The following SOD2 variants were observed in gnomAD, a reference collection of about 807,000 sequenced individuals.
The protein encoded by SOD2 is superoxide dismutase 2, also known as superoxide dismutase [Mn], mitochondrial.
A neutral mutation model predicts 27.0 loss-of-function variants in SOD2; 11 were observed. The ratio of observed to expected loss-of-function variants is 0.41; its 90% CI spans 0.26 to 0.67. The LOEUF (loss-of-function observed/expected upper bound fraction) is 0.67, where lower values mean the gene tolerates loss of function less well. Among genes scored for constraint, SOD2 ranks in the 30% least tolerant of loss-of-function variants. The pLI, the probability that SOD2 is intolerant of heterozygous loss-of-function variation, is 0.34. For synonymous variants in SOD2, 105 were observed against 103.0 expected (o/e 1.02, Z -0.12); for missense variants, 250 against 274.5 (o/e 0.91, Z 0.63).
In SOD2 at chr6:159,678,845, C is replaced by T. The variant is rs1779837134; in HGVS notation, c.*3648G>A. 6.6e-6 allele frequency: 1 copy of T among 152,206 alleles called. No individual in the cohort carries two copies. The allele number at this position is 152,206 out of a possible 1,614,324, so 9.4% of individuals were successfully genotyped here. A position where few individuals can be genotyped will look rare whatever the true frequency, so the allele number is the denominator to read the frequency against. ...CAGAATTGAATTATAGGACATCCAG[C>T]TGGTGTCCACTGGACAACCTGGTGT... is the stretch of plus-strand genomic sequence containing the variant. On this transcript the variant is annotated 3_prime_UTR_variant, in exon 5 of 5. Coordinates refer to ENST00000538183, the MANE Select transcript of SOD2 (RefSeq NM_000636.4).
At chr6:159,693,323 G>GCCCCCCCCCC (rs1265065197), upstream of SOD2, 1 of 348,378 alleles carries the variant, frequency 2.9e-6, no homozygotes, top group African/African-American at 2.7e-5. Context: ...GGGCACCGCC[G>GCCCCCCCCCC]CCCCGCCCCC....
At chr6:159,759,831 T>A (rs1010994451) in intron 1 of SOD2, among the ~76,000 whole-genome samples, 1 of 152,338 alleles carries the variant, frequency 6.6e-6, no homozygotes, top group Admixed American at 6.5e-5. Context: ...TTCTCAAGAT[T>A]GGCTCCTAAA....
At chr6:159,700,613 C>T (rs538217412) in intron 1 of SOD2, among the ~76,000 whole-genome samples, 1 of 146,078 alleles carries the variant, frequency 6.8e-6, no homozygotes, top group Non-Finnish European at 1.5e-5. Context: ...AAGATTGCGT[C>T]ACTGCACTCC....
chr6:159,693,155 C>A lies in SOD2; in HGVS notation c.13G>T (p.Ala5Ser). MLSR[A>S]VCGTSRQLAP... Reference sequence around the variant, plus strand: ...CCCCTTTCTTCTCACCCGCACACTGCCCGGCTCAACATGCTGCTAGTGCTG... The same window carrying A: ...CCCCTTTCTTCTCACCCGCACACTGACCGGCTCAACATGCTGCTAGTGCTG... The change falls in exon 1 of 5, where the codon GCA becomes TCA. Residue 5 changes from alanine to serine, a missense_variant. By Grantham distance (99) the Ala-to-Ser change is moderately conservative. Transcript: ENST00000538183. 6.5e-7 allele frequency: 1 copy of A among 1,533,688 alleles called. No homozygotes were observed. Among genetic ancestry groups the A allele is most frequent in the Middle Eastern group, 2.0e-4 (1 of 5,012 alleles).
chr6:159,712,085 T>A (rs1162292573), intron 1 of SOD2, among the ~76,000 whole-genome samples: 3 of 34,226 alleles, frequency 8.8e-5, no homozygotes, highest in Admixed American at 4.3e-4. Flanking sequence ...CAGACCTCCA[T>A]AACCACCTCC....
At chr6:159,723,898 A>G (rs1353933474) in intron 1 of SOD2, among the ~76,000 whole-genome samples, 1 of 152,144 alleles carries the variant, frequency 6.6e-6, no homozygotes, top group Non-Finnish European at 1.5e-5. Flanking sequence ...AGCTAGGACT[A>G]TAGGCACAGG....
Position 159,681,612 on chromosome 6 carries a change from A to C in SOD2, c.*881T>G, listed in dbSNP as rs1779965849. ...GCCCGCCCCCTGCCTACCCCACTTC[A>C]CCTTTCAGGCCAAACCAATATATAA... On this transcript the variant is annotated 3_prime_UTR_variant, in exon 5 of 5. Coordinates refer to ENST00000538183, the MANE Select transcript of SOD2 (RefSeq NM_000636.4). 6.6e-6 allele frequency: 1 copy of C among 151,872 alleles called. No individual in the cohort carries two copies. Among genetic ancestry groups the C allele is most frequent in the South Asian group, 2.1e-4 (1 of 4,806 alleles). 9.4% of individuals were successfully genotyped at this position (151,872 alleles called of 1,614,324 possible).
upstream of SOD2, chr6:159,693,378 G>A: frequency 5.3e-6 from 1 of 189,420 alleles, no homozygotes; most frequent in Non-Finnish European, 1.0e-5. Flanking sequence ...CCAACCCCGG[G>A]GGTGCCCTGC....
intron 1 of SOD2, among the ~76,000 whole-genome samples, chr6:159,734,944 A>G (rs1778813635): frequency 6.6e-6 from 1 of 152,166 alleles, no homozygotes; most frequent in African/African-American, 2.4e-5. Context: ...TTAATGAATA[A>G]TACCTGCTAT....
chr6:159,675,696 TTCA>T lies in SOD2; in HGVS notation c.*6794_*6796del, dbSNP rs1779765265. 6.6e-6 allele frequency: 1 copy of T among 152,146 alleles called. No homozygotes were observed. Among genetic ancestry groups the T allele is most frequent in the Admixed American group, 6.5e-5 (1 of 15,270 alleles). 9.4% of individuals were successfully genotyped at this position (152,146 alleles called of 1,614,324 possible). ...TCAGGACACAGGCATGGGCAAGGAC[TTCA>T]TGTCTAAAACACCAAAAGCAATGGC... is the stretch of plus-strand genomic sequence containing the variant. On this transcript the variant is annotated 3_prime_UTR_variant, in exon 5 of 5. Coordinates refer to ENST00000538183, the MANE Select transcript of SOD2 (RefSeq NM_000636.4).
chr6:159,746,851 C>CT (rs1779606589), upstream of SOD2, among the ~76,000 whole-genome samples: 3 of 152,192 alleles, frequency 2.0e-5, no homozygotes, highest in East Asian at 1.9e-4. Flanking sequence ...ATTCACCTCT[C>CT]TTTTCATGAA....
chr6:159,743,428 G>T (rs1779381730), intron 1 of SOD2, among the ~76,000 whole-genome samples: 1 of 152,218 alleles, frequency 6.6e-6, no homozygotes, highest in Non-Finnish European at 1.5e-5. Flanking sequence ...TCTGTCTTCT[G>T]TTGGGAGTAG....
Position 159,692,872 on chromosome 6 carries a change from G to T in SOD2, c.24-9C>A. Reference sequence around the variant, plus strand: ...CCAGCTGCCTGCTGGTGCTGAAGACGAGAAAGCACAGCCCGGTCAGTCAGC... The same window carrying T: ...CCAGCTGCCTGCTGGTGCTGAAGACTAGAAAGCACAGCCCGGTCAGTCAGC... On this transcript the variant is annotated splice_polypyrimidine_tract_variant and intron_variant, in intron 1 of 4. Coordinates refer to ENST00000538183, the MANE Select transcript of SOD2 (RefSeq NM_000636.4). The T allele has an allele frequency of 1.3e-6, 2 of 1,593,990 alleles. No homozygotes were observed. Among genetic ancestry groups the T allele is most frequent in the Non-Finnish European group, 8.5e-7 (1 of 1,171,618 alleles).
intron 4 of SOD2, 134 bp downstream of exon 4, chr6:159,684,720 G>T: frequency 3.5e-6 from 2 of 572,756 alleles, no homozygotes; most frequent in Non-Finnish European, 3.0e-6. Context: ...ACTTACACAA[G>T]ACTCTGGGTG....
upstream of SOD2, among the ~76,000 whole-genome samples, chr6:159,728,935 GTAA>G (rs1425945487): frequency 1.3e-5 from 2 of 152,208 alleles, no homozygotes; most frequent in African/African-American, 4.8e-5. Context: ...AAGGATAAAA[GTAA>G]TAATAATAGT....
chr6:159,709,003 C>G (rs1209971364), intron 1 of SOD2, among the ~76,000 whole-genome samples: 2 of 152,136 alleles, frequency 1.3e-5, no homozygotes, highest in African/African-American at 4.8e-5. Context: ...CTGACAAAAA[C>G]AAGCAATGGG....
At chr6:159,726,661 C>A in intron 1 of SOD2, 1 of 727,760 alleles carries the variant, frequency 1.4e-6, no homozygotes, top group Non-Finnish European at 2.0e-6. Flanking sequence ...CTCACAGGGC[C>A]GCCTTCCCCG....
intron 1 of SOD2, among the ~76,000 whole-genome samples, chr6:159,744,719 T>A (rs1779467086): frequency 6.6e-6 from 1 of 151,964 alleles, no homozygotes; most frequent in African/African-American, 2.4e-5. Flanking sequence ...TTTTTCCCAC[T>A]AACCCCCCCG....
chr6:159,719,070 A>G (rs1212549471), intron 1 of SOD2, among the ~76,000 whole-genome samples: 2 of 151,848 alleles, frequency 1.3e-5, no homozygotes, highest in African/African-American at 4.8e-5. Flanking sequence ...GTTTGCGTCC[A>G]CCCAAAATTC....
Sources: allele counts gnomAD v4.1 joint callset (sites outside exome capture counted in the v4.1 genomes callset), GRCh38; gene constraint gnomAD v4.1.1; transcripts MANE v1.5; gene names NCBI Gene and HGNC (gene_info 2026-07-23, HGNC 2026-07-21).